The following ARK2N variants were observed in gnomAD, a reference collection of about 807,000 sequenced individuals.
ARK2N encodes the protein arkadia (RNF111) N-terminal like PKA signaling regulator 2N, also known as protein ARK2N.
chr18:46,184,594 C>G, the ARK2N span, among the ~76,000 whole-genome samples: 1 of 152,050 alleles, frequency 6.6e-6, no homozygotes, highest in African/African-American at 2.4e-5. Flanking sequence ...TGGTGGCATG[C>G]GGCTGTAGTC....
chr18:46,207,578 C>T, the ARK2N span, among the ~76,000 whole-genome samples: 1,741 of 151,960 alleles, frequency 0.011, 61 homozygotes, highest in East Asian at 0.12. Context: ...TCAGTAGAGA[C>T]AGGGTTTCAC....
the ARK2N span, among the ~76,000 whole-genome samples, chr18:46,249,639 C>T: frequency 1.3e-5 from 2 of 152,204 alleles, no homozygotes; most frequent in Admixed American, 6.5e-5. Flanking sequence ...CCTCAGCTTT[C>T]TGCTGTCAAA....
At chr18:46,177,373 T>C in the ARK2N span, among the ~76,000 whole-genome samples, 2 of 150,858 alleles carry the variant, frequency 1.3e-5, no homozygotes, top group African/African-American at 4.9e-5. Flanking sequence ...CTGGGCAACA[T>C]AGTGAGAGCC....
chr18:46,261,391 A>T, the ARK2N span, among the ~76,000 whole-genome samples: 22 of 152,196 alleles, frequency 1.4e-4, no homozygotes, highest in Non-Finnish European at 1.5e-5. Flanking sequence ...AGTAAATTCC[A>T]TGCTTACCTC....
the ARK2N span, among the ~76,000 whole-genome samples, chr18:46,219,764 C>T: frequency 4.6e-5 from 7 of 152,146 alleles, no homozygotes; most frequent in East Asian, 3.9e-4. Context: ...CCACCACGCC[C>T]GGCCATTATC....
chr18:46,213,194 C>A, the ARK2N span, among the ~76,000 whole-genome samples: 3 of 151,176 alleles, frequency 2.0e-5, no homozygotes, highest in African/African-American at 7.3e-5. Flanking sequence ...TAGAGATGGG[C>A]TTTGACCATC....
the ARK2N span, among the ~76,000 whole-genome samples, chr18:46,184,816 G>A: frequency 6.6e-6 from 1 of 152,150 alleles, no homozygotes; most frequent in Admixed American, 6.5e-5. Context: ...AAGGAGAGGG[G>A]CCTTCATTTG....
At chr18:46,228,501 T>C in the ARK2N span, among the ~76,000 whole-genome samples, 2 of 152,220 alleles carry the variant, frequency 1.3e-5, no homozygotes, top group Non-Finnish European at 2.9e-5. Flanking sequence ...TTTATTGTTA[T>C]TGAATAATCA....
chr18:46,261,122 C>T, the ARK2N span, among the ~76,000 whole-genome samples: 14 of 152,184 alleles, frequency 9.2e-5, no homozygotes, highest in Non-Finnish European at 1.9e-4. Context: ...AGTGCTTATA[C>T]AGGTGAGCTT....
At chr18:46,219,044 C>T in the ARK2N span, 1 of 152,166 alleles carries the variant, frequency 6.6e-6, no homozygotes, top group African/African-American at 2.4e-5. Context: ...TAAATAATTC[C>T]TGTTAGGATA....
the ARK2N span, among the ~76,000 whole-genome samples, chr18:46,195,985 CT>C: frequency 4.5e-3 from 642 of 142,708 alleles, 5 homozygotes; most frequent in African/African-American, 0.012. Flanking sequence ...TTTTCTTTTT[CT>C]TTTTTTTTTT....
chr18:46,265,703 G>A, the ARK2N span: 2 of 152,750 alleles, frequency 1.3e-5, no homozygotes, highest in African/African-American at 4.8e-5. Flanking sequence ...TTCCAGAAGA[G>A]TGGAGAGTGT....
chr18:46,217,391 T>C, the ARK2N span: 2 of 152,238 alleles, frequency 1.3e-5, no homozygotes, highest in African/African-American at 4.8e-5. Context: ...TGAATTCTTA[T>C]TATCCAAGAG....
chr18:46,189,402 C>T, the ARK2N span, among the ~76,000 whole-genome samples: 67 of 152,070 alleles, frequency 4.4e-4, no homozygotes, highest in African/African-American at 1.5e-3. Flanking sequence ...AAATAGCAAC[C>T]TTCAAATACA....
chr18:46,249,997 C>T, the ARK2N span, among the ~76,000 whole-genome samples: 1 of 152,114 alleles, frequency 6.6e-6, no homozygotes, highest in Admixed American at 6.5e-5. Context: ...CCCCGCCCCC[C>T]TCGCCCCACC....
the ARK2N span, among the ~76,000 whole-genome samples, chr18:46,252,075 C>T: frequency 2.0e-5 from 3 of 151,940 alleles, no homozygotes. Flanking sequence ...CGCCTGTAAT[C>T]CCAGCTACTC....
At chr18:46,249,766 C>G in the ARK2N span, among the ~76,000 whole-genome samples, 5 of 152,150 alleles carry the variant, frequency 3.3e-5, no homozygotes, top group African/African-American at 1.2e-4. Flanking sequence ...CAGTACCATC[C>G]TATCTCCTTT....
At chr18:46,210,078 AG>A in the ARK2N span, among the ~76,000 whole-genome samples, 1 of 152,186 alleles carries the variant, frequency 6.6e-6, no homozygotes, top group Non-Finnish European at 1.5e-5. Flanking sequence ...TCTCTCATAA[AG>A]AGAACATATT....
At chr18:46,178,669 C>A in the ARK2N span, among the ~76,000 whole-genome samples, 1 of 152,032 alleles carries the variant, frequency 6.6e-6, no homozygotes. Flanking sequence ...GCCTGTAATC[C>A]CAGCACGTTG....
Sources: allele counts gnomAD v4.1 joint callset (sites outside exome capture counted in the v4.1 genomes callset), GRCh38; gene constraint gnomAD v4.1.1; transcripts MANE v1.5; gene names NCBI Gene and HGNC (gene_info 2026-07-23, HGNC 2026-07-21).